The following GLG1 variants were observed in gnomAD, a reference collection of about 807,000 sequenced individuals.
GLG1 encodes Golgi apparatus protein 1.
GLG1 carries 38 observed loss-of-function variants against 160.5 expected under a neutral mutation model. The observed-to-expected ratio is 0.24, with a 90% CI of 0.18 to 0.31. The LOEUF (loss-of-function observed/expected upper bound fraction) is 0.31. Ranked by LOEUF, GLG1 falls within the 10% of genes least tolerant of loss-of-function variation. The pLI is 1.00. For synonymous variants in GLG1, 644 were observed against 543.4 expected, an observed-to-expected ratio of 1.19 and a Z score of -2.57; for missense variants, 1,373 against 1,505.2, an observed-to-expected ratio of 0.91 and a Z score of 1.45.
intron 1 of GLG1, among the ~76,000 whole-genome samples, chr16:74,603,793 AG>A (rs1958500605): frequency 6.6e-6 from 1 of 152,168 alleles, no homozygotes; most frequent in Non-Finnish European, 1.5e-5. Flanking sequence ...AGAACAGCCC[AG>A]GGAATATTTT....
chr16:74,459,459 C>T (rs924296716), intron 23 of GLG1, among the ~76,000 whole-genome samples: 23 of 152,040 alleles, frequency 1.5e-4, no homozygotes, highest in East Asian at 3.9e-4. Context: ...GGCAACAGAG[C>T]GAGACTCCGT....
chr16:74,463,697 G>A (rs1033101829), intron 19 of GLG1, among the ~76,000 whole-genome samples: 5 of 151,484 alleles, frequency 3.3e-5, no homozygotes, highest in African/African-American at 1.2e-4. Context: ...GATTACAGGC[G>A]TGCGTCACCA....
intron 1 of GLG1, among the ~76,000 whole-genome samples, chr16:74,539,633 T>C (rs1177273328): frequency 1.3e-5 from 2 of 151,868 alleles, no homozygotes; most frequent in East Asian, 3.9e-4. Context: ...AGTGAGGTTA[T>C]ATCCCTATTC....
rs541759557 is a variant in GLG1, at chr16:74,598,631, G to A, written c.438+8026C>T. Among the ~76,000 whole-genome samples, 16 of 152,054 alleles carry A rather than the reference G, an allele frequency of 1.1e-4. No homozygotes were observed. In the East Asian group the frequency reaches 1.7e-3, roughly 16 times the overall value. ...AATAAGGCCGGGCGCGGTGGCTCACGTCTGTAATCCCAACACTTTGGGAGA... is the reference window on the plus strand; with the variant it reads ...AATAAGGCCGGGCGCGGTGGCTCACATCTGTAATCCCAACACTTTGGGAGA... On this transcript the variant is annotated intron_variant, in intron 1 of 25. Transcript: ENST00000422840.
At chr16:74,453,359 T>C (rs764424740) in intron 25 of GLG1, 25 bp from the exon 26 acceptor site, 7 of 1,548,102 alleles carry the variant, frequency 4.5e-6, no homozygotes, top group Non-Finnish European at 6.2e-6. Flanking sequence ...GGCAATGTGA[T>C]TCTCTGAGAG....
intron 1 of GLG1, among the ~76,000 whole-genome samples, chr16:74,578,155 T>A (rs1372335649): frequency 1.3e-5 from 2 of 152,204 alleles, no homozygotes; most frequent in Admixed American, 1.3e-4. Flanking sequence ...ATACATTTGA[T>A]CTCTTTTTGA....
At position 74,450,906 on chromosome 16, in the gene GLG1, C is replaced by A. The variant is rs2014265046; in HGVS notation, c.*2261G>T. ...CAAATTCCTCATCAAACTTCCAAAT[C>A]TGCAGACAACGAATGGGATTTTCTC... On this transcript the variant is annotated 3_prime_UTR_variant, in exon 26 of 26. Transcript: ENST00000422840. 1 of 151,398 alleles carries A rather than the reference C, an allele frequency of 6.6e-6. No individual in the cohort carries two copies. The highest frequency in any genetic ancestry group is 2.1e-4 in the South Asian group (1 of 4,818). 9.4% of individuals were successfully genotyped at this position (151,398 alleles called of 1,614,324 possible). A position where few individuals can be genotyped will look rare whatever the true frequency, so the allele number is the denominator to read the frequency against.
At chr16:74,464,962 C>A (rs1239216961) in intron 19 of GLG1, among the ~76,000 whole-genome samples, 2 of 152,166 alleles carry the variant, frequency 1.3e-5, no homozygotes, top group Non-Finnish European at 2.9e-5. Context: ...CCTCAGCCTC[C>A]TGAATAGCTG....
chr16:74,476,711 G>A (rs2015399908), intron 12 of GLG1, among the ~76,000 whole-genome samples: 1 of 152,122 alleles, frequency 6.6e-6, no homozygotes, highest in African/African-American at 2.4e-5. Flanking sequence ...GCCAATCACA[G>A]CACTCAGGGA....
At chr16:74,574,916 CAGAG>C (rs745898250) in intron 1 of GLG1, among the ~76,000 whole-genome samples, 20 of 49,158 alleles carry the variant, frequency 4.1e-4, no homozygotes, top group South Asian at 2.8e-3. Flanking sequence ...AAAAAAAAGA[CAGAG>C]AGAGAGAGAG....
chr16:74,487,846 A>T (rs1260258957), intron 8 of GLG1, among the ~76,000 whole-genome samples: 1 of 152,182 alleles, frequency 6.6e-6, no homozygotes, highest in Non-Finnish European at 1.5e-5. Flanking sequence ...GATCATTATC[A>T]TTGCCACTCT....
At chr16:74,492,203 G>A (rs1216582130) in intron 7 of GLG1, among the ~76,000 whole-genome samples, 1 of 150,802 alleles carries the variant, frequency 6.6e-6, no homozygotes, top group Non-Finnish European at 1.5e-5. Flanking sequence ...TGGCCAACAT[G>A]GTGAAATCCC....
intron 2 of GLG1, among the ~76,000 whole-genome samples, chr16:74,511,730 C>G (rs1267032838): frequency 6.6e-6 from 1 of 151,964 alleles, no homozygotes; most frequent in South Asian, 2.1e-4. Flanking sequence ...AATGCAAAGT[C>G]AGATGTCCTA....
chr16:74,576,131 A>T (rs543757262), intron 1 of GLG1, among the ~76,000 whole-genome samples: 13 of 152,174 alleles, frequency 8.5e-5, no homozygotes, highest in Admixed American at 8.5e-4. Context: ...CGGGAGGTGA[A>T]GGCGGCGGTG....
Position 74,496,643 on chromosome 16 carries a change from T to C in GLG1, c.776A>G (p.Asp259Gly). 6.2e-7 allele frequency: 1 copy of C among 1,601,878 alleles called. No individual in the cohort carries two copies. Among genetic ancestry groups the C allele is most frequent in the Non-Finnish European group, 8.6e-7 (1 of 1,169,324 alleles). The change falls in exon 5 of 26, where the codon GAT (aspartate) becomes GGT (glycine). Residue 259 changes from aspartate (D) to glycine (G), a missense_variant and splice_region_variant. By Grantham distance (94) the Asp-to-Gly change is moderately conservative. Transcript: ENST00000422840. Reference sequence around the variant, plus strand: ...TACCACCTCACCTTGTGAATGTGCATCCTAAAATAGCGAGGATATTAATAT... The same window carrying C: ...TACCACCTCACCTTGTGAATGTGCACCCTAAAATAGCGAGGATATTAATAT... ...KCGSIRLGEK[D>G]AHSQGEVVSC...
intron 1 of GLG1, among the ~76,000 whole-genome samples, chr16:74,595,212 T>C (rs576598808): frequency 1.5e-3 from 228 of 148,874 alleles, no homozygotes; most frequent in Non-Finnish European, 2.7e-3. Context: ...ATAATTTAAT[T>C]AACATGAACC....
intron 19 of GLG1, chr16:74,463,776 T>C (rs4888241): frequency 0.99 from 316,822 of 318,630 alleles, 157,555 homozygotes; most frequent in East Asian, 1. Context: ...GGTTTCACCA[T>C]GTTGGCCAGG....
chr16:74,527,885 CTT>C (rs5817914), intron 2 of GLG1, among the ~76,000 whole-genome samples: 220 of 104,916 alleles, frequency 2.1e-3, no homozygotes, highest in Admixed American at 2.8e-3. Context: ...GTGGTTAATT[CTT>C]TTTTTTTTTT....
In GLG1 at chr16:74,467,821, G is replaced by C. The variant is rs145619068; in HGVS notation, c.2464C>G (p.Leu822Val). Reference protein sequence around the residue: ...MTEDIRLEPDLYEACKSDIKN... With the variant: ...MTEDIRLEPDVYEACKSDIKN... ...ATGTCACTCTTGCAGGCTTCGTATA[G>C]ATCTGGCTCCAAGCGGATGTCCTCC... is the stretch of plus-strand genomic sequence containing the variant. The change falls in exon 18 of 26, where the codon CTA (leucine) becomes GTA (valine). Residue 822 changes from leucine (L) to valine (V), a missense_variant. By Grantham distance (32) the Leu-to-Val change is conservative. Transcript: ENST00000422840. 2 of 1,613,188 alleles carry C rather than the reference G, an allele frequency of 1.2e-6. No individual in the cohort carries two copies. Among genetic ancestry groups the C allele is most frequent in the Non-Finnish European group, 1.7e-6 (2 of 1,179,278 alleles).
Sources: gnomAD v4.1 joint callset for allele counts (sites outside exome capture counted in the v4.1 genomes callset) on GRCh38, gnomAD v4.1.1 for gene constraint, MANE v1.5 for transcripts, NCBI Gene and HGNC (gene_info 2026-07-23, HGNC 2026-07-21) for gene names.